The following RALYL variants were observed in gnomAD, a reference collection of about 807,000 sequenced individuals.
RALYL encodes RNA-binding Raly-like protein.
Under a neutral mutation model 35.1 loss-of-function variants are expected in RALYL, and 29 were observed. The ratio of observed to expected loss-of-function variants is 0.83; its 90% confidence interval spans 0.61 to 1.13. RALYL has a LOEUF of 1.13. Ranked by LOEUF, RALYL falls within the 50% of genes most tolerant of loss-of-function variation. The probability of loss-of-function intolerance (pLI) is 0.00; values close to 1 mark genes in which losing one functional copy is unlikely to be tolerated. For synonymous variants in RALYL, 120 were observed against 127.6 expected (o/e 0.94, Z 0.40); for missense variants, 359 against 360.4 (o/e 1.00, Z 0.03).
intron 1 of RALYL, among the ~76,000 whole-genome samples, chr8:84,285,459 T>G (rs1476055193): frequency 6.6e-6 from 1 of 152,028 alleles, no homozygotes; most frequent in African/African-American, 2.4e-5. Context: ...AGGACAAACA[T>G]ATTAATGGGA....
At chr8:84,619,331 C>T (rs542596925) in intron 2 of RALYL, among the ~76,000 whole-genome samples, 2 of 151,362 alleles carry the variant, frequency 1.3e-5, no homozygotes, top group East Asian at 1.9e-4. Context: ...TGAATTGATC[C>T]CTTTACCATT....
intron 1 of RALYL, among the ~76,000 whole-genome samples, chr8:84,251,021 G>T (rs186782243): frequency 6.6e-6 from 1 of 152,010 alleles, no homozygotes; most frequent in African/African-American, 2.4e-5. Flanking sequence ...CTTAAAATTC[G>T]AAAAGGAGTA....
At chr8:84,772,736 AT>A (rs1815861371) in intron 2 of RALYL, among the ~76,000 whole-genome samples, 1 of 152,102 alleles carries the variant, frequency 6.6e-6, no homozygotes, top group African/African-American at 2.4e-5. Context: ...ATGCTTTACA[AT>A]TTTTTACATG....
intron 3 of RALYL, among the ~76,000 whole-genome samples, chr8:84,796,185 G>A (rs768068295): frequency 1.3e-5 from 2 of 152,116 alleles, no homozygotes; most frequent in East Asian, 3.9e-4. Context: ...ACCAACCAGT[G>A]CTTCTTCCCA....
chr8:84,887,035 C>T (rs1055537128), intron 7 of RALYL, among the ~76,000 whole-genome samples: 2 of 152,186 alleles, frequency 1.3e-5, no homozygotes, highest in Non-Finnish European at 2.9e-5. Flanking sequence ...AAGTTAACCA[C>T]ATCTGTCAAC....
At chr8:84,226,772 G>A (rs748044339) in intron 1 of RALYL, among the ~76,000 whole-genome samples, 10 of 152,058 alleles carry the variant, frequency 6.6e-5, no homozygotes, top group African/African-American at 4.8e-5. Flanking sequence ...TTCTCTATAC[G>A]GTGTTTAAGA....
At chr8:84,892,515 C>A (rs1844028228) in intron 8 of RALYL, among the ~76,000 whole-genome samples, 1 of 151,298 alleles carries the variant, frequency 6.6e-6, no homozygotes, top group South Asian at 2.1e-4. Context: ...AAGGCTGAGG[C>A]AGGAGAATCG....
chr8:84,600,518 A>G (rs1815679023), intron 2 of RALYL, among the ~76,000 whole-genome samples: 1 of 152,086 alleles, frequency 6.6e-6, no homozygotes, highest in Admixed American at 6.6e-5. Context: ...TAAAAAGTTA[A>G]TAGGTAAAAG....
At chr8:84,801,357 T>C (rs1823214712) in intron 3 of RALYL, among the ~76,000 whole-genome samples, 2 of 152,224 alleles carry the variant, frequency 1.3e-5, no homozygotes, top group Non-Finnish European at 2.9e-5. Context: ...TTCTCCCCTC[T>C]AGACCCATCA....
intron 2 of RALYL, among the ~76,000 whole-genome samples, chr8:84,629,255 T>G (rs1471607790): frequency 6.6e-6 from 1 of 152,090 alleles, no homozygotes; most frequent in Non-Finnish European, 1.5e-5. Flanking sequence ...TTTGTTAACT[T>G]TAGTATCTCC....
chr8:84,689,625 T>C (rs1837597547), intron 2 of RALYL, among the ~76,000 whole-genome samples: 2 of 152,134 alleles, frequency 1.3e-5, no homozygotes, highest in Admixed American at 6.5e-5. Context: ...ATGGTATTTC[T>C]AGTTCTAGAT....
chr8:84,799,020 A>T (rs996867792), intron 3 of RALYL, among the ~76,000 whole-genome samples: 9 of 152,210 alleles, frequency 5.9e-5, no homozygotes, highest in Admixed American at 2.0e-4. Context: ...AATACTATAA[A>T]TATAGTAATA....
At chr8:84,587,927 C>A (rs1252207) in intron 2 of RALYL, among the ~76,000 whole-genome samples, 93,417 of 151,944 alleles carry the variant, frequency 0.61, 29,162 homozygotes, top group African/African-American at 0.69. Flanking sequence ...CCAAAAATTC[C>A]AAAGGATGGT....
chr8:84,690,171 T>C (rs1184494814), intron 2 of RALYL, among the ~76,000 whole-genome samples: 1 of 152,140 alleles, frequency 6.6e-6, no homozygotes, highest in Non-Finnish European at 1.5e-5. Flanking sequence ...GTGGCACATA[T>C]AAATACAGTG....
chr8:84,370,414 A>G (rs1422210596), intron 1 of RALYL, among the ~76,000 whole-genome samples: 2 of 151,476 alleles, frequency 1.3e-5, no homozygotes. Flanking sequence ...TAGTTAGAAC[A>G]TGGGAAATTT....
intron 3 of RALYL, among the ~76,000 whole-genome samples, chr8:84,788,263 A>G (rs117238886): frequency 0.019 from 2,829 of 152,274 alleles, 43 homozygotes; most frequent in Non-Finnish European, 0.025. Context: ...GGCCAATGGA[A>G]CAGAACAGAT....
intron 2 of RALYL, among the ~76,000 whole-genome samples, chr8:84,539,408 A>C (rs1263434068): frequency 6.6e-6 from 1 of 152,094 alleles, no homozygotes; most frequent in Non-Finnish European, 1.5e-5. Context: ...CTGGAGAAAC[A>C]GGTCCTAGAT....
chr8:84,312,028 T>G (rs1202098763), intron 1 of RALYL, among the ~76,000 whole-genome samples: 2 of 152,310 alleles, frequency 1.3e-5, no homozygotes, highest in East Asian at 3.9e-4. Flanking sequence ...TTTAATTGAC[T>G]CACAATTCTG....
intron 1 of RALYL, among the ~76,000 whole-genome samples, chr8:84,304,636 A>G (rs566091565): frequency 6.6e-6 from 1 of 152,220 alleles, no homozygotes; most frequent in African/African-American, 2.4e-5. Context: ...TTCTAATGTT[A>G]TACTTTCCTC....
Sources: gnomAD v4.1 joint callset for allele counts (sites outside exome capture counted in the v4.1 genomes callset) on GRCh38, gnomAD v4.1.1 for gene constraint, MANE v1.5 for transcripts, NCBI Gene and HGNC (gene_info 2026-07-23, HGNC 2026-07-21) for gene names.